Variants in CCDC195 observed in about 807,000 individuals in gnomAD.
The protein encoded by CCDC195 is coiled-coil domain-containing protein 195.
intron 1 of CCDC195, among the ~76,000 whole-genome samples, chr2:224,713,691 T>A (rs1344344813): frequency 6.6e-6 from 1 of 152,204 alleles, no homozygotes; most frequent in East Asian, 1.9e-4. Flanking sequence ...AAACATCATT[T>A]AAAGTAACTC....
chr2:224,709,544 C>A (rs62188713), intron 2 of CCDC195, among the ~76,000 whole-genome samples: 16,148 of 152,312 alleles, frequency 0.11, 1,153 homozygotes, highest in Middle Eastern at 0.17. Context: ...ACCAGAACAG[C>A]TGTTCTCTGA....
intron 1 of CCDC195, among the ~76,000 whole-genome samples, chr2:224,714,542 C>T (rs970907284): frequency 1.3e-5 from 2 of 152,176 alleles, no homozygotes; most frequent in African/African-American, 4.8e-5. Context: ...AGTACTCCAG[C>T]ATCTAGTGGT....
intron 1 of CCDC195, among the ~76,000 whole-genome samples, chr2:224,715,418 A>G (rs1418345912): frequency 1.3e-5 from 2 of 152,234 alleles, no homozygotes; most frequent in African/African-American, 4.8e-5. Context: ...AGAATATATC[A>G]AACATCGACT....
At chr2:224,710,499 G>A (rs1036693007) in intron 1 of CCDC195, among the ~76,000 whole-genome samples, 1 of 152,154 alleles carries the variant, frequency 6.6e-6, no homozygotes, top group African/African-American at 2.4e-5. Context: ...TTAGCCAGGC[G>A]TGGTGGCGGG....
chr2:224,709,488 T>C (rs879336156), intron 2 of CCDC195, among the ~76,000 whole-genome samples: 2 of 152,208 alleles, frequency 1.3e-5, no homozygotes. Context: ...GCCTAAATAA[T>C]TTTTTAAAAC....
intron 1 of CCDC195, 143 bp from the exon 2 acceptor site, chr2:224,710,362 G>A (rs1001624475): frequency 2.0e-5 from 8 of 391,962 alleles, no homozygotes; most frequent in Non-Finnish European, 3.6e-5. Flanking sequence ...TATCCATTTG[G>A]CCTGGCGCGG....
exon 2 of CCDC195, chr2:224,710,136 T>C: frequency 2.5e-6 from 1 of 398,580 alleles, no homozygotes; most frequent in Non-Finnish European, 4.4e-6. Flanking sequence ...TTTGGGTGAC[T>C]TTTCCCAGAT....
At chr2:224,707,691 G>A (rs970499708) in intron 2 of CCDC195, among the ~76,000 whole-genome samples, 1 of 152,100 alleles carries the variant, frequency 6.6e-6, no homozygotes, top group African/African-American at 2.4e-5. Flanking sequence ...TTGACAATTC[G>A]GTTTCCTGCT....
chr2:224,711,547 G>A (rs1689320369), intron 1 of CCDC195, among the ~76,000 whole-genome samples: 1 of 152,038 alleles, frequency 6.6e-6, no homozygotes, highest in South Asian at 2.1e-4. Flanking sequence ...TGTTGTCCAT[G>A]TGGCTTACAA....
intron 2 of CCDC195, among the ~76,000 whole-genome samples, chr2:224,705,889 T>G (rs894765361): frequency 6.6e-6 from 1 of 152,176 alleles, no homozygotes; most frequent in African/African-American, 2.4e-5. Flanking sequence ...AGCTTGGAAG[T>G]TGGAAAACAT....
intron 2 of CCDC195, among the ~76,000 whole-genome samples, chr2:224,705,349 C>T (rs1697228945): frequency 6.6e-6 from 1 of 152,020 alleles, no homozygotes; most frequent in East Asian, 1.9e-4. Flanking sequence ...ATTTGTTTTT[C>T]TAAAACACAG....
chr2:224,713,644 T>A (rs934413329), intron 1 of CCDC195, among the ~76,000 whole-genome samples: 9 of 152,208 alleles, frequency 5.9e-5, no homozygotes, highest in Non-Finnish European at 1.0e-4. Context: ...TTACATTACT[T>A]GCTATTATAA....
intron 1 of CCDC195, among the ~76,000 whole-genome samples, chr2:224,712,680 T>C (rs977724212): frequency 6.6e-6 from 1 of 152,224 alleles, no homozygotes; most frequent in African/African-American, 2.4e-5. Flanking sequence ...ATTATTCCCT[T>C]TCTTAAAGTG....
intron 1 of CCDC195, among the ~76,000 whole-genome samples, chr2:224,711,170 T>C (rs2124852146): frequency 6.6e-6 from 1 of 152,266 alleles, no homozygotes; most frequent in African/African-American, 2.4e-5. Flanking sequence ...GTTAAGAGGA[T>C]GTCTATTGAG....
intron 2 of CCDC195, among the ~76,000 whole-genome samples, chr2:224,707,598 C>T (rs1286812695): frequency 1.3e-5 from 2 of 152,202 alleles, no homozygotes; most frequent in Non-Finnish European, 2.9e-5. Context: ...TTAACACCGT[C>T]TAACATAATA....
intron 2 of CCDC195, 51 bp downstream of exon 2, chr2:224,709,921 TA>T (rs1359204942): frequency 5.0e-6 from 2 of 398,434 alleles, no homozygotes; most frequent in African/African-American, 4.1e-5. Flanking sequence ...AAAGTCTCAG[TA>T]ACCATCTCAG....
chr2:224,709,768 G>A (rs940786927), intron 2 of CCDC195, among the ~76,000 whole-genome samples: 12 of 152,200 alleles, frequency 7.9e-5, no homozygotes, highest in Non-Finnish European at 1.5e-4. Context: ...CCAGTTGTTA[G>A]AGGCATCTAT....
intron 2 of CCDC195, among the ~76,000 whole-genome samples, chr2:224,706,545 T>A (rs902803192): frequency 7.2e-6 from 1 of 138,086 alleles, no homozygotes; most frequent in Non-Finnish European, 1.5e-5. Flanking sequence ...AGAGTCTCGC[T>A]GTGTTGCCAG....
chr2:224,708,297 T>G (rs1689253700), intron 2 of CCDC195, among the ~76,000 whole-genome samples: 1 of 152,256 alleles, frequency 6.6e-6, no homozygotes, highest in African/African-American at 2.4e-5. Flanking sequence ...GAAGTTTTCA[T>G]AAGACATTTA....
Sources: gnomAD v4.1 joint callset for allele counts (sites outside exome capture counted in the v4.1 genomes callset) on GRCh38, gnomAD v4.1.1 for gene constraint, MANE v1.5 for transcripts, NCBI Gene and HGNC (gene_info 2026-07-23, HGNC 2026-07-21) for gene names.